PHC3: variants seen among roughly 807,000 people sequenced by gnomAD.
PHC3 encodes the protein polyhomeotic-like protein 3.
PHC3 carries 13 observed loss-of-function variants against 107.4 expected under a neutral mutation model. The ratio of observed to expected loss-of-function variants is 0.12; its 90% CI spans 0.08 to 0.19. The LOEUF (loss-of-function observed/expected upper bound fraction) is 0.19, where lower values mean the gene tolerates loss of function less well. Among genes scored for constraint, PHC3 ranks in the 10% least tolerant of loss-of-function variants. PHC3 has a pLI of 1.00. For synonymous variants in PHC3, 456 were observed against 427.4 expected, an observed-to-expected ratio of 1.07 and a Z score of -0.83; for missense variants, 992 against 1,210.9, an observed-to-expected ratio of 0.82 and a Z score of 2.68.
In PHC3 at chr3:170,097,498, G is replaced by T; in HGVS notation, c.2834-114C>A. On this transcript the variant is annotated intron_variant, in intron 14 of 14. Transcript: ENST00000495893. The surrounding 1 kb of genome is among the most constrained non-coding windows in gnomAD (Gnocchi z 4.1). The stretch of plus-strand genomic sequence containing the variant: ...TCTGAGAATCTGAAATACAGGCTGA[G>T]AAACAAATGAAATTTATTTATGGTA... 2.1e-6 allele frequency: 2 copies of T among 964,318 alleles called. No homozygotes were observed. The highest frequency in any genetic ancestry group is 2.5e-4 in the Middle Eastern group (1 of 4,036). 59.7% of individuals were successfully genotyped at this position (964,318 alleles called of 1,614,324 possible).
intron 11 of PHC3, among the ~76,000 whole-genome samples, chr3:170,111,477 A>G (rs1717765679): frequency 6.6e-6 from 1 of 152,060 alleles, no homozygotes; most frequent in African/African-American, 2.4e-5. Context: ...AGAAGAAAAA[A>G]GAAGGGTGGG....
Position 170,113,424 on chromosome 3 carries a change from T to A in PHC3, c.2289A>T (p.Leu763=). The A allele has an allele frequency of 6.2e-7, 1 of 1,613,488 alleles. No homozygotes were observed. Among genetic ancestry groups the A allele is most frequent in the Non-Finnish European group, 8.5e-7 (1 of 1,179,660 alleles). The change falls in exon 11 of 15, where the codon CTA becomes CTT. Residue 763 remains leucine, a synonymous_variant. Transcript: ENST00000495893. ...VINSVCVQPE[L]QNNTKHADNS... ...TATCCGCATGTTTTGTATTATTCTG[T>A]AGCTCTGGCTGAACACACACTGAAT...
intron 6 of PHC3, among the ~76,000 whole-genome samples, chr3:170,139,676 T>C (rs1723715873): frequency 6.6e-6 from 1 of 152,220 alleles, no homozygotes; most frequent in Non-Finnish European, 1.5e-5. Flanking sequence ...CATATATATT[T>C]TAGAATATGG....
Position 170,128,933 on chromosome 3 carries a change from A to C in PHC3, c.1539T>G (p.Ser513Arg). 1 of 1,613,956 alleles carries C rather than the reference A, an allele frequency of 6.2e-7. No individual in the cohort carries two copies. The highest frequency in any genetic ancestry group is 8.5e-7 in the Non-Finnish European group (1 of 1,179,864). ...SLQSSPIPIA[S>R]PPQMSTSPPA... ...GAGGAGATGTCGACATCTGTGGAGG[A>C]CTTGCAATTGGGATTGGAGAGGACT... Residue 513 changes from serine (S) to arginine (R), a missense_variant, in exon 8 of 15, where the codon AGT becomes AGG. Transcript: ENST00000495893.
intron 11 of PHC3, among the ~76,000 whole-genome samples, chr3:170,111,317 G>C (rs56197925): frequency 0.36 from 38,378 of 107,076 alleles, 5,809 homozygotes; most frequent in East Asian, 0.57. Flanking sequence ...AAGGAAGGAA[G>C]GAACGAACGA....
chr3:170,117,361 T>C lies in PHC3; in HGVS notation c.2058A>G (p.Thr686=). ...PPPLLLPAAT[T]RSNSTSMHSS... ...TGTGCATAGATGTACTGTTACTCCT[T>C]GTGGTGGCAGCTGGAAGTAACAATG... Residue 686 remains threonine (T), a synonymous_variant, in exon 10 of 15, where the codon ACA becomes ACG. Coordinates refer to ENST00000495893, the MANE Select transcript of PHC3 (RefSeq NM_024947.4). 1.9e-6 allele frequency: 3 copies of C among 1,613,912 alleles called. No individual in the cohort carries two copies. Among genetic ancestry groups the C allele is most frequent in the Non-Finnish European group, 2.5e-6 (3 of 1,179,854 alleles).
In PHC3 at chr3:170,093,309, A is replaced by T. The variant is rs1046112358; in HGVS notation, c.*3921T>A. On this transcript the variant is annotated 3_prime_UTR_variant, in exon 15 of 15. Coordinates refer to ENST00000495893, the MANE Select transcript of PHC3 (RefSeq NM_024947.4). ...GTTTTCATGGTTTTCTTGGAGCTAG[A>T]GGCCTTAGAGAGGTAGTGAGATGAG... The T allele has an allele frequency of 6.6e-6, 1 of 152,220 alleles. No individual in the cohort carries two copies. Among genetic ancestry groups the T allele is most frequent in the African/African-American group, 2.4e-5 (1 of 41,462 alleles). 9.4% of individuals were successfully genotyped at this position (152,220 alleles called of 1,614,324 possible). A position where few individuals can be genotyped will look rare whatever the true frequency, so the allele number is the denominator to read the frequency against.
At chr3:170,156,228 G>C (rs929847834) in intron 4 of PHC3, among the ~76,000 whole-genome samples, 2 of 152,090 alleles carry the variant, frequency 1.3e-5, no homozygotes, top group African/African-American at 4.8e-5. Context: ...TGGGATTACA[G>C]GCATGAGCCA....
At chr3:170,121,413 T>C (rs1169592033) in intron 9 of PHC3, among the ~76,000 whole-genome samples, 1 of 152,192 alleles carries the variant, frequency 6.6e-6, no homozygotes, top group African/African-American at 2.4e-5. Context: ...CACGAAACAT[T>C]TGTGTTTAGT....
At chr3:170,137,673 C>G (rs1217186377) in intron 6 of PHC3, among the ~76,000 whole-genome samples, 1 of 152,184 alleles carries the variant, frequency 6.6e-6, no homozygotes, top group Admixed American at 6.5e-5. Context: ...TCGAGGCAGG[C>G]AGATCACCTG....
chr3:170,136,510 T>C lies in PHC3; in HGVS notation c.828A>G (p.Pro276=). Residue 276 remains proline, a synonymous_variant, in exon 7 of 15, where the codon CCA becomes CCG. Coordinates refer to ENST00000495893, the MANE Select transcript of PHC3 (RefSeq NM_024947.4). ...GGCTCTCTCCTTTCTTATTACTTTC[T>C]GGAGAAGGATCTCGTTGGCTGATTT... ...SSKISQRDPS[P]ESNKKGESPS... 3.1e-6 allele frequency: 5 copies of C among 1,607,924 alleles called. No homozygotes were observed. The highest frequency in any genetic ancestry group is 4.2e-6 in the Non-Finnish European group (5 of 1,177,472).
At chr3:170,164,417 A>C (rs59792585) in intron 4 of PHC3, among the ~76,000 whole-genome samples, 1 of 152,190 alleles carries the variant, frequency 6.6e-6, no homozygotes, top group Non-Finnish European at 1.5e-5. Context: ...CACTAATAAC[A>C]GTTTGTTGTG....
At chr3:170,143,237 C>T (rs1724389459) in intron 6 of PHC3, among the ~76,000 whole-genome samples, 1 of 152,058 alleles carries the variant, frequency 6.6e-6, no homozygotes, top group Non-Finnish European at 1.5e-5. Context: ...ATTACTTCAA[C>T]ATATTCATTC....
At chr3:170,163,382 A>AAGTC (rs1166539131) in intron 4 of PHC3, among the ~76,000 whole-genome samples, 1 of 151,948 alleles carries the variant, frequency 6.6e-6, no homozygotes, top group Non-Finnish European at 1.5e-5. Context: ...CATAGCCCTT[A>AAGTC]AGTCACTCAG....
intron 7 of PHC3, among the ~76,000 whole-genome samples, chr3:170,132,301 G>C (rs150545427): frequency 0.012 from 1,854 of 152,296 alleles, 40 homozygotes; most frequent in African/African-American, 0.042. Flanking sequence ...TGAAGAAACT[G>C]TGAGTAGTTA....
intron 4 of PHC3, among the ~76,000 whole-genome samples, chr3:170,151,765 T>C (rs1726025895): frequency 1.3e-5 from 2 of 152,102 alleles, no homozygotes; most frequent in Admixed American, 6.6e-5. Context: ...GAGGTACCTA[T>C]GAGAATCAAA....
chr3:170,179,376 A>C (rs1344007945), intron 1 of PHC3, among the ~76,000 whole-genome samples: 1 of 152,220 alleles, frequency 6.6e-6, no homozygotes, highest in Non-Finnish European at 1.5e-5. Context: ...TTAGAACAGA[A>C]TGCCTAGGGA....
chr3:170,179,345 A>G (rs982262536), intron 1 of PHC3, among the ~76,000 whole-genome samples: 1 of 152,224 alleles, frequency 6.6e-6, no homozygotes, highest in Non-Finnish European at 1.5e-5. Context: ...ATTACAAACT[A>G]AAGTCATTCT....
At position 170,136,473 on chromosome 3, in the gene PHC3, A is replaced by C; in HGVS notation, c.865T>G (p.Ser289Ala). The change falls in exon 7 of 15, where the codon TCA becomes GCA. Residue 289 changes from serine (S) to alanine (A), a missense_variant. Ser to Ala is a moderately conservative substitution (Grantham distance 99). This residue lies in a region of PHC3 where 543 missense variants were observed against 590.8 expected (regional missense o/e 0.92). Transcript: ENST00000495893. ...NKKGESPSLE[S>A]RSTAVTRTSS... ...GTCCGGGTGACAGCTGTGCTTCGTG[A>C]TTCCAGGCTTGGGCTCTCTCCTTTC... 6.2e-7 allele frequency: 1 copy of C among 1,604,862 alleles called. No individual in the cohort carries two copies. The highest frequency in any genetic ancestry group is 1.3e-5 in the African/African-American group (1 of 74,602).
Sources: gnomAD v4.1 joint callset for allele counts (sites outside exome capture counted in the v4.1 genomes callset) on GRCh38, gnomAD v4.1.1 for gene constraint, gnomAD v4.1.1 regional missense constraint, Gnocchi (gnomAD v3.1) non-coding constraint, MANE v1.5 for transcripts, NCBI Gene and HGNC (gene_info 2026-07-23, HGNC 2026-07-21) for gene names.